CACNB2: variants seen among roughly 807,000 people sequenced by gnomAD.
CACNB2 encodes voltage-dependent L-type calcium channel subunit beta-2.
A neutral mutation model predicts 73.3 loss-of-function variants in CACNB2; 42 were observed. The ratio of observed to expected loss-of-function variants is 0.57; its 90% CI spans 0.45 to 0.74. The LOEUF is 0.74. Ranked by LOEUF, CACNB2 falls within the 30% of genes least tolerant of loss-of-function variation. The probability of loss-of-function intolerance (pLI) is 0.00; values close to 1 mark genes in which losing one functional copy is unlikely to be tolerated. For missense variants in CACNB2, 940 were observed against 853.0 expected (o/e 1.10, Z -1.27); for synonymous variants, 348 against 310.3 (o/e 1.12, Z -1.28).
intron 3 of CACNB2, among the ~76,000 whole-genome samples, chr10:18,490,538 C>A (rs1279563583): frequency 6.6e-6 from 1 of 152,124 alleles, no homozygotes; most frequent in Non-Finnish European, 1.5e-5. Flanking sequence ...GTAGAATCTG[C>A]AAAAGCAGAC....
At chr10:18,217,215 G>T (rs982778945) in intron 2 of CACNB2, among the ~76,000 whole-genome samples, 3 of 152,176 alleles carry the variant, frequency 2.0e-5, no homozygotes, top group Non-Finnish European at 4.4e-5. Flanking sequence ...TGTGCAAGCT[G>T]GCTCACACCT....
chr10:18,470,546 C>T (rs1463535592), intron 3 of CACNB2, among the ~76,000 whole-genome samples: 3 of 151,376 alleles, frequency 2.0e-5, no homozygotes, highest in Non-Finnish European at 4.4e-5. Flanking sequence ...TTACGTTATT[C>T]TGTATATATT....
At chr10:18,435,204 G>T (rs2046073653) in intron 3 of CACNB2, among the ~76,000 whole-genome samples, 1 of 152,202 alleles carries the variant, frequency 6.6e-6, no homozygotes, top group South Asian at 2.1e-4. Context: ...TGTTGGCAGA[G>T]AATCTGAAAA....
chr10:18,318,918 A>G (rs1443686782), intron 2 of CACNB2, among the ~76,000 whole-genome samples: 1 of 152,220 alleles, frequency 6.6e-6, no homozygotes, highest in African/African-American at 2.4e-5. Flanking sequence ...CATCAGTCAG[A>G]ATGGTGATTA....
At chr10:18,222,055 G>A (rs537251754) in intron 2 of CACNB2, among the ~76,000 whole-genome samples, 4 of 152,328 alleles carry the variant, frequency 2.6e-5, no homozygotes, top group Admixed American at 2.6e-4. Context: ...ATCAGTAGTT[G>A]CTAACGTTAC....
At chr10:18,432,068 C>T (rs983404775) in intron 3 of CACNB2, among the ~76,000 whole-genome samples, 1 of 152,134 alleles carries the variant, frequency 6.6e-6, no homozygotes, top group Non-Finnish European at 1.5e-5. Context: ...CGGCCCAAGA[C>T]TATTATTTAT....
At chr10:18,475,710 TATA>T (rs1277288787) in intron 3 of CACNB2, among the ~76,000 whole-genome samples, 3 of 152,184 alleles carry the variant, frequency 2.0e-5, no homozygotes, top group Non-Finnish European at 4.4e-5. Flanking sequence ...TGAAACTTCG[TATA>T]ATGACAGTTA....
intron 9 of CACNB2, among the ~76,000 whole-genome samples, chr10:18,522,752 C>A (rs1471815044): frequency 6.6e-6 from 1 of 151,730 alleles, no homozygotes; most frequent in Non-Finnish European, 1.5e-5. Context: ...TTGGCGGGTG[C>A]CTGCAGTCCC....
At chr10:18,520,632 A>G (rs920745136) in intron 9 of CACNB2, among the ~76,000 whole-genome samples, 4 of 152,162 alleles carry the variant, frequency 2.6e-5, no homozygotes, top group Admixed American at 2.6e-4. Flanking sequence ...AGTGGCCTAC[A>G]TGACCTCCTA....
At chr10:18,506,823 A>C (rs1404252530) in intron 6 of CACNB2, among the ~76,000 whole-genome samples, 1 of 152,180 alleles carries the variant, frequency 6.6e-6, no homozygotes, top group Non-Finnish European at 1.5e-5. Context: ...TTTTTGAGAC[A>C]GAGTCTCACT....
intron 2 of CACNB2, among the ~76,000 whole-genome samples, chr10:18,163,597 A>C (rs956124663): frequency 6.6e-6 from 1 of 152,202 alleles, no homozygotes; most frequent in African/African-American, 2.4e-5. Context: ...TCAAGAAATC[A>C]GGGGGTCATC....
At chr10:18,326,915 C>T (rs755279038) in intron 2 of CACNB2, among the ~76,000 whole-genome samples, 12 of 152,084 alleles carry the variant, frequency 7.9e-5, no homozygotes, top group East Asian at 1.9e-4. Flanking sequence ...TTGGTAGAGA[C>T]GGGTTTTTTT....
At chr10:18,266,366 C>G (rs1231070754) in intron 2 of CACNB2, among the ~76,000 whole-genome samples, 5 of 152,022 alleles carry the variant, frequency 3.3e-5, no homozygotes, top group Admixed American at 3.3e-4. Flanking sequence ...GAATGTCTTT[C>G]CAAGTTTAAA....
At position 18,289,302 on chromosome 10, in the gene CACNB2, T is replaced by G. The variant is rs550647588; in HGVS notation, c.214-112622T>G. Reference sequence around the variant, plus strand: ...TTTTCTTGTTTTTTTGTTTTGTTTTTTTTTTTTTTTGAGATGGGGTCTCAC... The same window carrying G: ...TTTTCTTGTTTTTTTGTTTTGTTTTGTTTTTTTTTTGAGATGGGGTCTCAC... On this transcript the variant is annotated intron_variant, in intron 2 of 13. Transcript: ENST00000324631. 6.6e-4 allele frequency among the ~76,000 whole-genome samples: 94 copies of G among 142,598 alleles called. 3 individuals carry two copies. In the South Asian group the frequency reaches 8.5e-3, roughly 13 times the overall value. 93.5% of individuals were successfully genotyped at this position (142,598 alleles called of 152,430 possible). A position where few individuals can be genotyped will look rare whatever the true frequency, so the allele number is the denominator to read the frequency against.
intron 1 of CACNB2, among the ~76,000 whole-genome samples, chr10:18,148,812 T>C (rs1456847859): frequency 6.6e-6 from 1 of 151,938 alleles, no homozygotes; most frequent in East Asian, 1.9e-4. Context: ...CTAGGCAACA[T>C]AGTGAGACCC....
At chr10:18,493,329 G>A (rs1297531017) in intron 3 of CACNB2, among the ~76,000 whole-genome samples, 2 of 152,076 alleles carry the variant, frequency 1.3e-5, no homozygotes, top group Non-Finnish European at 2.9e-5. Context: ...CACCACGCCT[G>A]GCTAATTTTT....
chr10:18,167,517 G>A (rs539799152), intron 2 of CACNB2, among the ~76,000 whole-genome samples: 5 of 152,128 alleles, frequency 3.3e-5, no homozygotes, highest in Admixed American at 2.0e-4. Flanking sequence ...GGGCCAGTGA[G>A]GGGAAAATGT....
chr10:18,269,019 T>A (rs1455474550), intron 2 of CACNB2, among the ~76,000 whole-genome samples: 1 of 152,096 alleles, frequency 6.6e-6, no homozygotes, highest in African/African-American at 2.4e-5. Flanking sequence ...AGATGTTATA[T>A]GTGGAGGTGC....
At chr10:18,375,954 A>C (rs949310455) in intron 2 of CACNB2, among the ~76,000 whole-genome samples, 1 of 152,220 alleles carries the variant, frequency 6.6e-6, no homozygotes, top group South Asian at 2.1e-4. Flanking sequence ...AAAAACTAAA[A>C]ATAAAGCTAC....
Sources: allele counts gnomAD v4.1 joint callset (sites outside exome capture counted in the v4.1 genomes callset), GRCh38; gene constraint gnomAD v4.1.1; transcripts MANE v1.5; gene names NCBI Gene and HGNC (gene_info 2026-07-23, HGNC 2026-07-21).